Variants in CNTNAP3 observed in about 807,000 individuals in gnomAD.
The protein encoded by CNTNAP3 is contactin-associated protein-like 3.
CNTNAP3 carries 36 observed loss-of-function variants against 92.1 expected under a neutral mutation model. That is an observed-to-expected ratio of 0.39 (90% confidence interval 0.30 to 0.52). The LOEUF is 0.52. Ranked by LOEUF, CNTNAP3 falls within the 20% of genes least tolerant of loss-of-function variation. The pLI is 0.76. For synonymous variants in CNTNAP3, 232 were observed against 422.3 expected (o/e 0.55, Z 5.53); for missense variants, 534 against 1,069.6 (o/e 0.50, Z 6.98).
At chr9:39,125,013 T>C (rs958906012) in intron 13 of CNTNAP3, among the ~76,000 whole-genome samples, 1 of 152,170 alleles carries the variant, frequency 6.6e-6, no homozygotes, top group African/African-American at 2.4e-5. Context: ...ACTAGGTATA[T>C]ACCCAAAGGA....
chr9:39,132,797 A>T (rs1221083802), intron 13 of CNTNAP3, 135 bp downstream of exon 13: 1 of 1,042,680 alleles, frequency 9.6e-7, no homozygotes, highest in African/African-American at 1.7e-5. Context: ...CGGGAAGAGA[A>T]GGAGAGAGTG....
intron 23 of CNTNAP3, among the ~76,000 whole-genome samples, chr9:39,076,844 T>C (rs1400259019): frequency 2.0e-5 from 3 of 152,298 alleles, no homozygotes; most frequent in African/African-American, 7.2e-5. Context: ...GGTGGGCACC[T>C]GTATCCCCAG....
At chr9:39,113,934 T>G (rs891666458) in intron 14 of CNTNAP3, among the ~76,000 whole-genome samples, 2 of 151,728 alleles carry the variant, frequency 1.3e-5, no homozygotes, top group African/African-American at 4.8e-5. Flanking sequence ...GGTGTCAATT[T>G]GCCTTTGCAT....
chr9:39,111,499 A>T (rs1826746626), intron 14 of CNTNAP3, among the ~76,000 whole-genome samples: 1 of 151,880 alleles, frequency 6.6e-6, no homozygotes, highest in Non-Finnish European at 1.5e-5. Flanking sequence ...TTATGCAAAG[A>T]ACAGAATATG....
intron 7 of CNTNAP3, chr9:39,173,218 AAC>A (rs754421737): frequency 2.2e-5 from 3 of 138,700 alleles, no homozygotes; most frequent in Non-Finnish European, 4.5e-5. Context: ...CCAAATGGGA[AAC>A]AGTTTTCATG....
At chr9:39,125,209 G>A (rs1821127647) in intron 13 of CNTNAP3, among the ~76,000 whole-genome samples, 1 of 151,992 alleles carries the variant, frequency 6.6e-6, no homozygotes, top group African/African-American at 2.4e-5. Context: ...TCCTTTGTAG[G>A]GCCATGGATG....
intron 17 of CNTNAP3, among the ~76,000 whole-genome samples, chr9:39,101,044 G>A (rs1292382968): frequency 1.3e-5 from 2 of 148,424 alleles, no homozygotes; most frequent in African/African-American, 4.9e-5. Flanking sequence ...TGAATTTTAC[G>A]CTAATTGTGT....
chr9:39,132,171 A>G (rs1394845263), intron 13 of CNTNAP3, among the ~76,000 whole-genome samples: 1 of 152,092 alleles, frequency 6.6e-6, no homozygotes, highest in Non-Finnish European at 1.5e-5. Context: ...CTAAAAAAAG[A>G]AAGGCAAATT....
At chr9:39,137,453 A>G (rs1232919640) in intron 12 of CNTNAP3, among the ~76,000 whole-genome samples, 1 of 152,092 alleles carries the variant, frequency 6.6e-6, no homozygotes, top group Non-Finnish European at 1.5e-5. Context: ...ATAGTTGTTT[A>G]AAGTCCTGGT....
chr9:39,147,518 G>A lies in CNTNAP3; in HGVS notation c.1649+2288C>T, dbSNP rs190810957. Among the ~76,000 whole-genome samples the A allele has an allele frequency of 1.7e-3, 261 of 152,192 alleles. 1 individual carries two copies. The highest frequency in any genetic ancestry group is 6.1e-3 in the African/African-American group (254 of 41,522). ...TAGTCTTCTACGTTACTGACTTTGGGAATGAAATAGTAAATAGCCTTTATT... is the reference window on the plus strand; with the variant it reads ...TAGTCTTCTACGTTACTGACTTTGGAAATGAAATAGTAAATAGCCTTTATT... On this transcript the variant is annotated intron_variant, in intron 10 of 23. Transcript: ENST00000297668.
At position 39,144,476 on chromosome 9, in the gene CNTNAP3, C is replaced by T. The variant is rs1420386027; in HGVS notation, c.1650-130G>A. 2.8e-5 allele frequency: 39 copies of T among 1,389,240 alleles called. No homozygotes were observed. The South Asian group carries it at 3.5e-4, about 13-fold the overall frequency. 86.1% of individuals were successfully genotyped at this position (1,389,240 alleles called of 1,614,324 possible). A position where few individuals can be genotyped will look rare whatever the true frequency, so the allele number is the denominator to read the frequency against. ...GCATATGCAAGATAACCCCACATGACGTGATTACTGGGTCTGCCATCAAGG... is the reference window on the plus strand; with the variant it reads ...GCATATGCAAGATAACCCCACATGATGTGATTACTGGGTCTGCCATCAAGG... On this transcript the variant is annotated intron_variant, in intron 10 of 23. Coordinates refer to ENST00000297668, the MANE Select transcript of CNTNAP3 (RefSeq NM_033655.5).
At chr9:39,128,380 T>A (rs1821198069) in intron 13 of CNTNAP3, among the ~76,000 whole-genome samples, 1 of 152,112 alleles carries the variant, frequency 6.6e-6, no homozygotes, top group Admixed American at 6.5e-5. Context: ...AGAAATGTAT[T>A]TTTTAAATTA....
At position 39,151,008 on chromosome 9, in the gene CNTNAP3, G is replaced by GT. The variant is rs1033598470; in HGVS notation, c.1478-1032dup. Among the ~76,000 whole-genome samples the GT allele has an allele frequency of 8.7e-5, 13 of 148,612 alleles. 1 individual carries two copies. The highest frequency in any genetic ancestry group is 3.3e-4 in the African/African-American group (13 of 39,686). On this transcript the variant is annotated intron_variant, in intron 9 of 23. Transcript: ENST00000297668. ...CAATATATAACCTAATAATGGAACT[G>GT]TAAGTTTGAAAAGTAAGGAAAAGGA...
intron 18 of CNTNAP3, among the ~76,000 whole-genome samples, chr9:39,096,637 A>T (rs1438370741): frequency 6.6e-6 from 1 of 150,800 alleles, no homozygotes; most frequent in Non-Finnish European, 1.5e-5. Flanking sequence ...GCTACTGAAC[A>T]TGAAAGACGG....
At chr9:39,118,853 C>T (rs556853269) in intron 13 of CNTNAP3, among the ~76,000 whole-genome samples, 1 of 152,298 alleles carries the variant, frequency 6.6e-6, no homozygotes, top group African/African-American at 2.4e-5. Context: ...ATTTCTCATG[C>T]GAAGAAACAA....
At chr9:39,099,214 A>G (rs1029773051) in intron 18 of CNTNAP3, among the ~76,000 whole-genome samples, 2 of 152,078 alleles carry the variant, frequency 1.3e-5, no homozygotes, top group African/African-American at 4.8e-5. Context: ...TTGGCCTCCC[A>G]AAGTGCTGGG....
intron 18 of CNTNAP3, among the ~76,000 whole-genome samples, chr9:39,096,855 T>C (rs1198286277): frequency 6.7e-6 from 1 of 149,700 alleles, no homozygotes; most frequent in South Asian, 2.1e-4. Flanking sequence ...TGTGTCTGGA[T>C]ATAAACTTCT....
intron 14 of CNTNAP3, among the ~76,000 whole-genome samples, chr9:39,113,499 C>G (rs929566078): frequency 2.6e-5 from 4 of 151,808 alleles, no homozygotes; most frequent in African/African-American, 9.7e-5. Context: ...ACTGAACTCT[C>G]ATTTTTCCTG....
intron 18 of CNTNAP3, among the ~76,000 whole-genome samples, chr9:39,091,168 C>CTTTTTT (rs1319060417): frequency 5.2e-3 from 606 of 115,918 alleles, no homozygotes; most frequent in East Asian, 0.046. Flanking sequence ...TGTTTTTCTT[C>CTTTTTT]TTCTTTTTTT....
Sources: gnomAD v4.1 joint callset for allele counts (sites outside exome capture counted in the v4.1 genomes callset) on GRCh38, gnomAD v4.1.1 for gene constraint, MANE v1.5 for transcripts, NCBI Gene and HGNC (gene_info 2026-07-23, HGNC 2026-07-21) for gene names.